The following CUBN variants were observed in gnomAD, a reference collection of about 807,000 sequenced individuals.
The protein encoded by CUBN is 460 kDa receptor.
CUBN carries 282 observed loss-of-function variants against 405.3 expected under a neutral mutation model. The observed-to-expected ratio is 0.70, with a 90% CI of 0.63 to 0.77. The LOEUF (loss-of-function observed/expected upper bound fraction) is 0.77, where lower values mean the gene tolerates loss of function less well. Among genes scored for constraint, CUBN ranks in the 30% least tolerant of loss-of-function variants. The probability of loss-of-function intolerance (pLI) is 0.00; values close to 1 mark genes in which losing one functional copy is unlikely to be tolerated. For synonymous variants in CUBN, 1,684 were observed against 1,617.0 expected, an observed-to-expected ratio of 1.04 and a Z score of -0.99; for missense variants, 4,514 against 4,475.2, an observed-to-expected ratio of 1.01 and a Z score of -0.25.
rs190225881 is a variant in CUBN at position 16,891,791 on chromosome 10, T to C, written c.8599-1264A>G. On this transcript the variant is annotated intron_variant, in intron 54 of 66. Transcript: ENST00000377833. ...TCAGAGGTCTCAACTAGGAGCAATTTTGGGACCTCTGGCAAGGTTTGTAGT... is the reference window on the plus strand; with the variant it reads ...TCAGAGGTCTCAACTAGGAGCAATTCTGGGACCTCTGGCAAGGTTTGTAGT... 3.3e-3 allele frequency among the ~76,000 whole-genome samples: 509 copies of C among 152,164 alleles called. 4 individuals carry two copies. Among genetic ancestry groups the C allele is most frequent in the African/African-American group, 0.012 (480 of 41,496 alleles).
intron 7 of CUBN, 23 bp downstream of exon 7, chr10:17,115,448 G>A (rs1384550101): frequency 6.2e-7 from 1 of 1,612,974 alleles, no homozygotes; most frequent in Non-Finnish European, 8.5e-7. Flanking sequence ...CTGCAAGGAG[G>A]CACATTTGGG....
chr10:16,868,314 T>C (rs553282860), intron 59 of CUBN, among the ~76,000 whole-genome samples: 1 of 152,164 alleles, frequency 6.6e-6, no homozygotes, highest in Non-Finnish European at 1.5e-5. Context: ...AAAATTCACA[T>C]GCCCAATATC....
chr10:16,923,625 G>A (rs1842100436), intron 43 of CUBN, among the ~76,000 whole-genome samples: 1 of 152,172 alleles, frequency 6.6e-6, no homozygotes, highest in Non-Finnish European at 1.5e-5. Flanking sequence ...TAAGCTTCAA[G>A]AAAGACAGGG....
intron 2 of CUBN, among the ~76,000 whole-genome samples, chr10:17,128,838 C>G (rs926970385): frequency 1.3e-5 from 2 of 151,996 alleles, no homozygotes; most frequent in African/African-American, 4.8e-5. Context: ...TTTGATAGAC[C>G]AGTAGGGTGA....
At chr10:17,038,750 G>A (rs1336110692) in intron 27 of CUBN, among the ~76,000 whole-genome samples, 5 of 152,196 alleles carry the variant, frequency 3.3e-5, no homozygotes, top group Non-Finnish European at 7.3e-5. Flanking sequence ...AGCTATTGCA[G>A]CTATTGCTCT....
intron 32 of CUBN, among the ~76,000 whole-genome samples, chr10:16,952,626 G>A (rs1842950642): frequency 6.6e-6 from 1 of 152,166 alleles, no homozygotes; most frequent in Non-Finnish European, 1.5e-5. Flanking sequence ...AAAAGCAACA[G>A]ATTAAATGTC....
intron 17 of CUBN, among the ~76,000 whole-genome samples, chr10:17,081,889 G>C (rs1054348856): frequency 2.6e-5 from 4 of 152,068 alleles, no homozygotes; most frequent in Non-Finnish European, 4.4e-5. Context: ...TAGGTTGGTT[G>C]GTCAAAGATA....
Position 16,947,292 on chromosome 10 carries a change from A to C in CUBN, c.5285T>G (p.Val1762Gly), listed in dbSNP as rs149164899. The C allele has an allele frequency of 2.1e-4, 347 of 1,614,084 alleles. 1 individual carries two copies. Among genetic ancestry groups the C allele is most frequent in the Admixed American group, 9.3e-4 (56 of 60,018 alleles). The change falls in exon 36 of 67, where the codon GTG (valine) becomes GGG (glycine). Residue 1762 changes from valine to glycine, a missense_variant. Transcript: ENST00000377833. ...PGYPDIYPPN[V>G]ECVWNIVSSP... ...ACTGACGATGTTCCAGACACATTCC[A>C]CATTAGGGGGATAAATGTCTGGGTA...
chr10:17,030,254 A>G (rs1371625691), intron 27 of CUBN, among the ~76,000 whole-genome samples: 1 of 152,158 alleles, frequency 6.6e-6, no homozygotes, highest in East Asian at 1.9e-4. Context: ...AATAAATACA[A>G]TGCACTTGAA....
chr10:17,110,859 T>C, intron 9 of CUBN, 60 bp downstream of exon 9: 1 of 1,611,426 alleles, frequency 6.2e-7, no homozygotes, highest in Non-Finnish European at 8.5e-7. Context: ...AGATTCCGTA[T>C]TCCTATGTCT....
intron 51 of CUBN, among the ~76,000 whole-genome samples, chr10:16,902,390 T>A (rs999766694): frequency 6.8e-6 from 1 of 147,844 alleles, no homozygotes; most frequent in African/African-American, 2.5e-5. Flanking sequence ...ATAAATGAAA[T>A]TAAATAGAAG....
chr10:16,961,742 C>T (rs1257815051), intron 31 of CUBN, among the ~76,000 whole-genome samples: 3 of 130,418 alleles, frequency 2.3e-5, no homozygotes, highest in East Asian at 2.2e-4. Context: ...GACGGAGTCT[C>T]GCTCTGTGGC....
Position 17,065,424 on chromosome 10 carries a change from T to A in CUBN, c.3139+84A>T, listed in dbSNP as rs113542187. The A allele has an allele frequency of 7.9e-5, 123 of 1,548,740 alleles. No homozygotes were observed. The African/African-American group carries it at 1.6e-3, about 20-fold the overall frequency. On this transcript the variant is annotated intron_variant, in intron 22 of 66. Transcript: ENST00000377833. ...TCATTGTGTGCCACAGGTTTGCGGA[T>A]GATGTATTCTCATTGTGTTTTAGCT...
At chr10:17,080,651 G>A (rs929994197) in intron 17 of CUBN, among the ~76,000 whole-genome samples, 3 of 152,030 alleles carry the variant, frequency 2.0e-5, no homozygotes, top group Admixed American at 6.6e-5. Flanking sequence ...ATTTCCCTTC[G>A]TATCCTACCT....
chr10:17,041,186 A>G lies in CUBN; in HGVS notation c.3864T>C (p.Tyr1288=). Residue 1288 remains tyrosine (Y), a synonymous_variant, in exon 27 of 67, where the codon TAT becomes TAC. Transcript: ENST00000377833. ...CENVVIVNQT[Y]GILESIGYPN... is the part of the protein sequence containing the mutation. ...GATACCCTATACTCTCTAAGATGCC[A>G]TAGGTTTGATTGACTATTACCACAT... is the stretch of plus-strand genomic sequence containing the variant. 2 of 1,613,814 alleles carry G rather than the reference A, an allele frequency of 1.2e-6. No homozygotes were observed. The highest frequency in any genetic ancestry group is 8.5e-7 in the Non-Finnish European group (1 of 1,179,750).
At chr10:16,965,305 A>G (rs928460356) in intron 31 of CUBN, among the ~76,000 whole-genome samples, 1 of 152,224 alleles carries the variant, frequency 6.6e-6, no homozygotes, top group Non-Finnish European at 1.5e-5. Context: ...GTAACATCAC[A>G]TACTAAAGTA....
chr10:16,972,936 A>T (rs1051151342), intron 31 of CUBN, among the ~76,000 whole-genome samples: 1 of 152,108 alleles, frequency 6.6e-6, no homozygotes, highest in African/African-American at 2.4e-5. Flanking sequence ...CCAAACAGAC[A>T]TGCTACCATC....
intron 60 of CUBN, among the ~76,000 whole-genome samples, chr10:16,848,773 C>G (rs1481678991): frequency 1.4e-5 from 2 of 139,646 alleles, no homozygotes; most frequent in African/African-American, 5.3e-5. Context: ...GCAATCACGA[C>G]TGACTGCAGC....
intron 63 of CUBN, 90 bp downstream of exon 63, chr10:16,836,145 G>A: frequency 5.5e-6 from 7 of 1,265,112 alleles, no homozygotes; most frequent in South Asian, 4.9e-5. Flanking sequence ...TTACTCACAG[G>A]AGTCAATTCT....
Sources: allele counts gnomAD v4.1 joint callset (sites outside exome capture counted in the v4.1 genomes callset), GRCh38; gene constraint gnomAD v4.1.1; transcripts MANE v1.5; gene names NCBI Gene and HGNC (gene_info 2026-07-23, HGNC 2026-07-21).